The following CRY1 variants were observed in gnomAD, a reference collection of about 807,000 sequenced individuals.
CRY1 encodes cryptochrome circadian regulator 1, also known as cryptochrome-1.
In CRY1, 45 loss-of-function variants were observed where a neutral mutation model predicts 76.0. That is an observed-to-expected ratio of 0.59 (90% CI 0.47 to 0.76). CRY1 has a LOEUF of 0.76. Ranked by LOEUF, CRY1 falls within the 30% of genes least tolerant of loss-of-function variation. The pLI, the probability that CRY1 is intolerant of heterozygous loss-of-function variation, is 0.00. For synonymous variants in CRY1, 248 were observed against 244.0 expected, an observed-to-expected ratio of 1.02 and a Z score of -0.15; for missense variants, 587 against 716.4, an observed-to-expected ratio of 0.82 and a Z score of 2.06.
chr12:107,026,158 AAT>A (rs150822026), intron 1 of CRY1, among the ~76,000 whole-genome samples: 1,688 of 79,250 alleles, frequency 0.021, 125 homozygotes, highest in African/African-American at 0.08. Flanking sequence ...ATATATATAA[AAT>A]ATATATATAT....
At chr12:106,998,171 C>T in intron 7 of CRY1, 105 bp from the exon 8 acceptor site, 5 of 1,300,066 alleles carry the variant, frequency 3.8e-6, no homozygotes, top group Non-Finnish European at 4.3e-6. Context: ...AAATCTAGCA[C>T]AGAATTGTAA....
At chr12:107,019,239 G>A (rs1350786168) in intron 2 of CRY1, among the ~76,000 whole-genome samples, 1 of 151,614 alleles carries the variant, frequency 6.6e-6, no homozygotes, top group Non-Finnish European at 1.5e-5. Context: ...ACATATGCAC[G>A]TTGAACCTAT....
chr12:107,043,811 A>G (rs2136868559), intron 1 of CRY1, among the ~76,000 whole-genome samples: 1 of 152,144 alleles, frequency 6.6e-6, no homozygotes, highest in East Asian at 1.9e-4. Context: ...GAGCCCCACT[A>G]TACCACGGTC....
intron 2 of CRY1, among the ~76,000 whole-genome samples, chr12:107,020,391 T>A (rs575711808): frequency 1.3e-5 from 2 of 152,280 alleles, no homozygotes; most frequent in South Asian, 2.1e-4. Flanking sequence ...TGGTTTGGGA[T>A]CTATGTCCTC....
chr12:107,078,301 A>G (rs193100191), intron 1 of CRY1, among the ~76,000 whole-genome samples: 1 of 152,178 alleles, frequency 6.6e-6, no homozygotes, highest in Admixed American at 6.6e-5. Flanking sequence ...AGCATTCTAG[A>G]TATGCAATAA....
At chr12:107,077,194 T>A (rs1371667320) in intron 1 of CRY1, among the ~76,000 whole-genome samples, 1 of 151,946 alleles carries the variant, frequency 6.6e-6, no homozygotes, top group Non-Finnish European at 1.5e-5. Flanking sequence ...GAACTCACAC[T>A]CATCACCTTT....
intron 1 of CRY1, among the ~76,000 whole-genome samples, chr12:107,078,321 C>A (rs1231716576): frequency 5.9e-5 from 9 of 151,970 alleles, no homozygotes; most frequent in Non-Finnish European, 1.3e-4. Flanking sequence ...ATTTCCTTTT[C>A]CCACCTCTAA....
intron 1 of CRY1, among the ~76,000 whole-genome samples, chr12:107,053,637 G>C (rs902774970): frequency 6.6e-6 from 1 of 152,154 alleles, no homozygotes; most frequent in African/African-American, 2.4e-5. Flanking sequence ...TTTCCAAAAA[G>C]AGAAAATAAA....
chr12:107,033,686 T>C (rs1188035266), intron 1 of CRY1, among the ~76,000 whole-genome samples: 11 of 151,952 alleles, frequency 7.2e-5, no homozygotes, highest in African/African-American at 2.4e-4. Flanking sequence ...AAATCTCAAT[T>C]CCCTTTAGCT....
chr12:107,073,710 C>A (rs776714823), intron 1 of CRY1, among the ~76,000 whole-genome samples: 12 of 152,088 alleles, frequency 7.9e-5, no homozygotes, highest in Non-Finnish European at 1.8e-4. Flanking sequence ...GCCTGGGCGA[C>A]CAATTGAGAC....
intron 10 of CRY1, among the ~76,000 whole-genome samples, chr12:106,995,353 A>G (rs1339412416): frequency 1.3e-5 from 2 of 152,252 alleles, no homozygotes; most frequent in Non-Finnish European, 2.9e-5. Flanking sequence ...ACATTTCTGA[A>G]TTCAAAAAGG....
intron 1 of CRY1, among the ~76,000 whole-genome samples, chr12:107,049,452 G>A (rs1415355280): frequency 6.6e-6 from 1 of 152,072 alleles, no homozygotes; most frequent in Non-Finnish European, 1.5e-5. Context: ...TTGGCTCACT[G>A]CAGCCTCCGC....
chr12:107,071,369 T>C (rs1953189031), intron 1 of CRY1, among the ~76,000 whole-genome samples: 1 of 152,258 alleles, frequency 6.6e-6, no homozygotes, highest in African/African-American at 2.4e-5. Context: ...TCTGATCTAC[T>C]AATATAATGA....
intron 10 of CRY1, among the ~76,000 whole-genome samples, chr12:106,996,815 A>T (rs1456818043): frequency 1.3e-5 from 2 of 152,190 alleles, no homozygotes; most frequent in Non-Finnish European, 2.9e-5. Context: ...ATGGTCACTA[A>T]ATTTGTATCA....
intron 1 of CRY1, among the ~76,000 whole-genome samples, chr12:107,090,042 G>C (rs749095533): frequency 6.6e-6 from 1 of 151,730 alleles, no homozygotes; most frequent in Non-Finnish European, 1.5e-5. Context: ...AGCATCTGAC[G>C]TAAGTAAAAC....
Position 107,078,993 on chromosome 12 carries a change from T to A in CRY1, c.158+13811A>T, listed in dbSNP as rs568909137. ...ACTGTTGATAAAGTCTCCAAACTAG[T>A]ATCTTGACTCTCTCTTCTAACATTC... On this transcript the variant is annotated intron_variant, in intron 1 of 12. Transcript: ENST00000008527. Among the ~76,000 whole-genome samples, 11 of 152,288 alleles carry A rather than the reference T, an allele frequency of 7.2e-5. No individual in the cohort carries two copies. The South Asian group carries it at 2.3e-3, about 32-fold the overall frequency.
chr12:107,075,872 A>T lies in CRY1; in HGVS notation c.158+16932T>A, dbSNP rs140814451. On this transcript the variant is annotated intron_variant, in intron 1 of 12. Transcript: ENST00000008527. ...TTAATTTGAAGGGAAAAGCTCTAAC[A>T]ATTGTTTTAGGACTAGATATGAAGT... Among the ~76,000 whole-genome samples, 39 of 152,280 alleles carry T rather than the reference A, an allele frequency of 2.6e-4. 1 individual carries two copies. The highest frequency in any genetic ancestry group is 8.9e-4 in the African/African-American group (37 of 41,568).
At chr12:107,082,864 CAG>C (rs1172168422) in intron 1 of CRY1, among the ~76,000 whole-genome samples, 3 of 151,738 alleles carry the variant, frequency 2.0e-5, no homozygotes, top group African/African-American at 4.8e-5. Context: ...CTGAAGGAGA[CAG>C]AGACACGAAA....
intron 1 of CRY1, among the ~76,000 whole-genome samples, chr12:107,046,956 GAGA>G (rs773472003): frequency 1.4e-3 from 210 of 152,258 alleles, no homozygotes; most frequent in Middle Eastern, 0.01. Context: ...TCTCAGCATT[GAGA>G]AGATCATCTA....
Sources: allele counts gnomAD v4.1 joint callset (sites outside exome capture counted in the v4.1 genomes callset), GRCh38; gene constraint gnomAD v4.1.1; transcripts MANE v1.5; gene names NCBI Gene and HGNC (gene_info 2026-07-23, HGNC 2026-07-21).